The following ACSL1 variants were observed in gnomAD, a reference collection of about 807,000 sequenced individuals.
ACSL1 encodes long-chain-fatty-acid--CoA ligase 1.
ACSL1 carries 41 observed loss-of-function variants against 98.4 expected under a neutral mutation model. The observed-to-expected ratio is 0.42, with a 90% CI of 0.32 to 0.54. ACSL1 has a LOEUF of 0.54. Among genes scored for constraint, ACSL1 ranks in the 20% least tolerant of loss-of-function variants. The pLI, the probability that ACSL1 is intolerant of heterozygous loss-of-function variation, is 0.13. For synonymous variants in ACSL1, 316 were observed against 322.7 expected (o/e 0.98, Z 0.22); for missense variants, 734 against 883.1 (o/e 0.83, Z 2.14).
At chr4:184,771,871 T>C (rs916494220) in intron 10 of ACSL1, among the ~76,000 whole-genome samples, 3 of 152,202 alleles carry the variant, frequency 2.0e-5, no homozygotes, top group Non-Finnish European at 2.9e-5. Flanking sequence ...CTGAGCATGC[T>C]ATAATCTCAG....
At chr4:184,824,103 T>C (rs1309047123) in intron 1 of ACSL1, among the ~76,000 whole-genome samples, 1 of 152,082 alleles carries the variant, frequency 6.6e-6, no homozygotes, top group Non-Finnish European at 1.5e-5. Flanking sequence ...CCAAAATGCT[T>C]ATAATTGTGG....
Position 184,825,745 on chromosome 4 carries a change from G to A in ACSL1, c.-33+171C>T, listed in dbSNP as rs915112945. ...GCTGCCGAGGGAAGCGGGGCCGCGG[G>A]CAGGAGGCCGGAAAGGCGGCGCGGC... On this transcript the variant is annotated intron_variant, in intron 1 of 20. Transcript: ENST00000281455. The surrounding 1 kb of genome is among the most constrained non-coding windows in gnomAD (Gnocchi z 4.7). Among the ~76,000 whole-genome samples, 4 of 149,814 alleles carry A rather than the reference G, an allele frequency of 2.7e-5. No homozygotes were observed. Among genetic ancestry groups the A allele is most frequent in the African/African-American group, 9.7e-5 (4 of 41,196 alleles).
Position 184,768,105 on chromosome 4 carries a change from A to C in ACSL1, c.1128+211T>G, listed in dbSNP as rs781375745. The stretch of plus-strand genomic sequence containing the variant: ...GCTTGTGTTGTGACCATGGTTTACA[A>C]AGTGTGTTCATGCATTTTCTCTTAT... On this transcript the variant is annotated intron_variant, in intron 12 of 20. Transcript: ENST00000281455. 89 of 516,996 alleles carry C rather than the reference A, an allele frequency of 1.7e-4. No homozygotes were observed. In the Middle Eastern group the frequency reaches 1.9e-3, roughly 11 times the overall value. The allele number at this position is 516,996 out of a possible 1,614,324, so 32.0% of individuals were successfully genotyped here. A position where few individuals can be genotyped will look rare whatever the true frequency, so the allele number is the denominator to read the frequency against.
intron 1 of ACSL1, chr4:184,821,065 C>T (rs1017712859): frequency 2.6e-5 from 12 of 456,164 alleles, no homozygotes; most frequent in African/African-American, 2.2e-4. Flanking sequence ...GCAGGACCTA[C>T]CTTACAGGGT....
chr4:184,760,285 A>G, intron 18 of ACSL1, 72 bp downstream of exon 18: 3 of 1,547,544 alleles, frequency 1.9e-6, no homozygotes, highest in Non-Finnish European at 1.8e-6. Context: ...TTCCAATCAC[A>G]TTTAAAGCCC....
chr4:184,811,143 T>G (rs545602839), intron 1 of ACSL1, among the ~76,000 whole-genome samples: 1 of 151,678 alleles, frequency 6.6e-6, no homozygotes, highest in Admixed American at 6.6e-5. Context: ...GAGTCTCACT[T>G]TGTCGCCCAG....
intron 2 of ACSL1, among the ~76,000 whole-genome samples, chr4:184,792,305 CTG>C (rs1437117758): frequency 6.6e-6 from 1 of 152,182 alleles, no homozygotes; most frequent in Non-Finnish European, 1.5e-5. Context: ...AAAGGTCACA[CTG>C]TCACTCAGTT....
intron 1 of ACSL1, among the ~76,000 whole-genome samples, chr4:184,820,478 T>C (rs1772980185): frequency 6.6e-6 from 1 of 152,222 alleles, no homozygotes; most frequent in African/African-American, 2.4e-5. Flanking sequence ...TTCAGCACTC[T>C]AGTGGTATAA....
At position 184,766,536 on chromosome 4, in the gene ACSL1, TCTCC is replaced by T. The variant is rs1349570250; in HGVS notation, c.1263+82_1263+85del. On this transcript the variant is annotated intron_variant, in intron 13 of 20. Transcript: ENST00000281455. This position sits in a 1 kb window ranked among gnomAD's most constrained non-coding sequence, Gnocchi z 4.8. Reference sequence around the variant, plus strand: ...TGTTATTCTCTCCCTTACCTTCATCTCTCCCTCTCACAAAAAAGGCCCTCCCAGA... The same window carrying T: ...TGTTATTCTCTCCCTTACCTTCATCTCTCTCACAAAAAAGGCCCTCCCAGA... The T allele has an allele frequency of 2.0e-6, 3 of 1,508,872 alleles. No homozygotes were observed. The highest frequency in any genetic ancestry group is 9.0e-7 in the Non-Finnish European group (1 of 1,111,558). 93.5% of individuals were successfully genotyped at this position (1,508,872 alleles called of 1,614,324 possible).
intron 1 of ACSL1, among the ~76,000 whole-genome samples, chr4:184,821,952 T>G (rs1773097987): frequency 6.6e-6 from 1 of 152,244 alleles, no homozygotes; most frequent in African/African-American, 2.4e-5. Flanking sequence ...AGAGCTTCAT[T>G]TTTCCTATTT....
chr4:184,822,895 A>T (rs868054929), intron 1 of ACSL1, among the ~76,000 whole-genome samples: 14 of 152,362 alleles, frequency 9.2e-5, no homozygotes, highest in South Asian at 4.1e-4. Context: ...CATTTGATGT[A>T]AAATGACAAT....
At chr4:184,795,716 C>T (rs138113702) in intron 2 of ACSL1, among the ~76,000 whole-genome samples, 53 of 152,314 alleles carry the variant, frequency 3.5e-4, no homozygotes, top group Non-Finnish European at 7.3e-4. Flanking sequence ...CCTAAGTCAG[C>T]AGACAGGTCT....
chr4:184,801,920 TTAC>T (rs1438045602), intron 2 of ACSL1, among the ~76,000 whole-genome samples: 9 of 152,392 alleles, frequency 5.9e-5, no homozygotes, highest in African/African-American at 2.2e-4. Context: ...TTTCTTACAG[TTAC>T]TGCTAAGTTA....
chr4:184,790,630 A>G (rs1406796550), intron 2 of ACSL1, among the ~76,000 whole-genome samples: 3 of 152,240 alleles, frequency 2.0e-5, no homozygotes, highest in African/African-American at 4.8e-5. Flanking sequence ...GAATGGGAGA[A>G]TATCTTTGCT....
At chr4:184,813,782 G>A (rs746617414) in intron 1 of ACSL1, 7 of 454,670 alleles carry the variant, frequency 1.5e-5, no homozygotes, top group South Asian at 1.1e-4. Flanking sequence ...CAACTGAACA[G>A]CAGAGAGGAT....
At chr4:184,814,982 A>C (rs1260058786) in intron 1 of ACSL1, 20 of 455,772 alleles carry the variant, frequency 4.4e-5, no homozygotes, top group Non-Finnish European at 8.4e-5. Flanking sequence ...AGAAAGCCTG[A>C]GGATAAAATA....
At position 184,768,379 on chromosome 4, in the gene ACSL1, G is replaced by A. The variant is rs765038537; in HGVS notation, c.1065C>T (p.Leu355=). 3 of 1,613,558 alleles carry A rather than the reference G, an allele frequency of 1.9e-6. No homozygotes were observed. Among genetic ancestry groups the A allele is most frequent in the Non-Finnish European group, 2.5e-6 (3 of 1,179,908 alleles). ...QGDIRLLMDD[L]KVLQPTVFPV... ...GGAAGACAGTGGGTTGAAGCACCTT[G>A]AGGTCATCCATGAGCAGCCTGATAT... The change falls in exon 12 of 21, where the codon CTC becomes CTT. Residue 355 remains leucine (L), a synonymous_variant. Transcript: ENST00000281455.
At chr4:184,793,435 C>T (rs72695647) in intron 2 of ACSL1, among the ~76,000 whole-genome samples, 8 of 152,178 alleles carry the variant, frequency 5.3e-5, no homozygotes, top group Admixed American at 3.9e-4. Flanking sequence ...CTAACAGGAA[C>T]GCGATGGCCA....
chr4:184,808,069 AC>A (rs759851190), intron 1 of ACSL1, among the ~76,000 whole-genome samples: 86 of 152,242 alleles, frequency 5.6e-4, no homozygotes, highest in Non-Finnish European at 1.0e-3. Context: ...TCTTACAAAA[AC>A]GTTAGCATTT....
Sources: allele counts gnomAD v4.1 joint callset (sites outside exome capture counted in the v4.1 genomes callset), GRCh38; gene constraint gnomAD v4.1.1; non-coding constraint Gnocchi (gnomAD v3.1); transcripts MANE v1.5; gene names NCBI Gene and HGNC (gene_info 2026-07-23, HGNC 2026-07-21).